The following TESK2 variants were observed in gnomAD, a reference collection of about 807,000 sequenced individuals.
The protein encoded by TESK2 is dual specificity testis-specific protein kinase 2.
A neutral mutation model predicts 57.1 loss-of-function variants in TESK2; 39 were observed. That is an observed-to-expected ratio of 0.68 (90% CI 0.53 to 0.89). The LOEUF is 0.89. Ranked by LOEUF, TESK2 falls within the 40% of genes least tolerant of loss-of-function variation. The probability of loss-of-function intolerance (pLI) is 0.00; values close to 1 mark genes in which losing one functional copy is unlikely to be tolerated. For synonymous variants in TESK2, 249 were observed against 267.9 expected, an observed-to-expected ratio of 0.93 and a Z score of 0.69; for missense variants, 646 against 732.1, an observed-to-expected ratio of 0.88 and a Z score of 1.36.
At chr1:45,414,221 A>G (rs986624697) in intron 3 of TESK2, among the ~76,000 whole-genome samples, 1 of 152,242 alleles carries the variant, frequency 6.6e-6, no homozygotes, top group Non-Finnish European at 1.5e-5. Context: ...CATAAATGAT[A>G]TAAATAATTA....
intron 1 of TESK2, among the ~76,000 whole-genome samples, chr1:45,463,579 G>GT (rs1557583520): frequency 6.6e-6 from 1 of 151,782 alleles, no homozygotes; most frequent in Non-Finnish European, 1.5e-5. Context: ...TGTGTGTCTG[G>GT]TTTTTTGTTT....
intron 4 of TESK2, among the ~76,000 whole-genome samples, chr1:45,381,890 G>C (rs1538970): frequency 1.5e-5 from 2 of 135,166 alleles, no homozygotes; most frequent in Admixed American, 7.8e-5. Context: ...TTTTTAAGAG[G>C]TCTCTCTCTG....
At chr1:45,386,274 G>A (rs895080291) in intron 3 of TESK2, among the ~76,000 whole-genome samples, 2 of 147,228 alleles carry the variant, frequency 1.4e-5, no homozygotes, top group Admixed American at 7.0e-5. Context: ...GAACCTGGAA[G>A]GCAGAGGTTG....
At position 45,345,410 on chromosome 1, in the gene TESK2, G is replaced by A; in HGVS notation, c.1146C>T (p.Val382=). 1 of 1,614,142 alleles carries A rather than the reference G, an allele frequency of 6.2e-7. No homozygotes were observed. The highest frequency in any genetic ancestry group is 8.5e-7 in the Non-Finnish European group (1 of 1,180,036). ...FSRKPPRTVS[V]LDPYYRPRDG... is the part of the protein sequence containing the mutation. ...CTCGTGGCCGGTAGTATGGGTCCAA[G>A]ACACTCACTGTACGTGGGGGCTTAC... The change falls in exon 11 of 11, where the codon GTC becomes GTT. Residue 382 remains valine, a synonymous_variant. Coordinates refer to ENST00000372086, the MANE Select transcript of TESK2 (RefSeq NM_007170.3).
intron 4 of TESK2, among the ~76,000 whole-genome samples, chr1:45,372,782 T>C (rs890029229): frequency 6.6e-6 from 1 of 151,420 alleles, no homozygotes; most frequent in Non-Finnish European, 1.5e-5. Context: ...TTCATGCCTG[T>C]AATCCCAGCA....
intron 3 of TESK2, among the ~76,000 whole-genome samples, chr1:45,392,187 G>C (rs1434977198): frequency 2.0e-5 from 3 of 152,196 alleles, no homozygotes; most frequent in African/African-American, 7.2e-5. Context: ...CCGGGTTCAA[G>C]CAATTCTCCT....
At chr1:45,466,608 C>A (rs1443847730) in intron 1 of TESK2, among the ~76,000 whole-genome samples, 1 of 151,394 alleles carries the variant, frequency 6.6e-6, no homozygotes, top group African/African-American at 2.4e-5. Flanking sequence ...CATGACCACA[C>A]CACTGCACTC....
chr1:45,434,086 C>G (rs1000131640), intron 2 of TESK2, among the ~76,000 whole-genome samples: 2 of 151,142 alleles, frequency 1.3e-5, no homozygotes, highest in Admixed American at 6.6e-5. Flanking sequence ...CCTCAACCTC[C>G]TGGCTCTAGG....
At chr1:45,459,395 C>G (rs1403810333) in intron 1 of TESK2, among the ~76,000 whole-genome samples, 3 of 152,168 alleles carry the variant, frequency 2.0e-5, no homozygotes. Flanking sequence ...TGAGATCTAC[C>G]TGAATCTAGT....
chr1:45,435,233 C>G (rs1369709081), intron 2 of TESK2, among the ~76,000 whole-genome samples: 1 of 151,932 alleles, frequency 6.6e-6, no homozygotes, highest in Non-Finnish European at 1.5e-5. Flanking sequence ...CTCAACCAAT[C>G]CTCTCACCTC....
intron 3 of TESK2, among the ~76,000 whole-genome samples, chr1:45,399,944 G>A (rs1649531292): frequency 6.6e-6 from 1 of 152,104 alleles, no homozygotes; most frequent in African/African-American, 2.4e-5. Context: ...TAGCACATGG[G>A]GATGTGCTCA....
At chr1:45,468,788 T>C (rs1269343929) in intron 1 of TESK2, among the ~76,000 whole-genome samples, 1 of 152,176 alleles carries the variant, frequency 6.6e-6, no homozygotes, top group Non-Finnish European at 1.5e-5. Context: ...GGTATTTTAG[T>C]GGGCAGGTGC....
At chr1:45,400,832 G>C (rs768725790) in intron 3 of TESK2, among the ~76,000 whole-genome samples, 6 of 144,706 alleles carry the variant, frequency 4.1e-5, no homozygotes, top group Non-Finnish European at 9.2e-5. Context: ...GACCAGCCTG[G>C]CCAACATGAT....
intron 1 of TESK2, among the ~76,000 whole-genome samples, chr1:45,470,506 C>T (rs572392004): frequency 9.8e-5 from 15 of 152,306 alleles, no homozygotes; most frequent in Non-Finnish European, 1.3e-4. Flanking sequence ...TAATTAACCA[C>T]GAATATACAC....
rs1355753034 is a variant in TESK2 at position 45,384,389 on chromosome 1, G to GTCTGTCTATCTA, written c.393+1522_393+1523insTAGATAGACAGA. Among the ~76,000 whole-genome samples, 362 of 144,368 alleles carry GTCTGTCTATCTA rather than the reference G, an allele frequency of 2.5e-3. 3 individuals carry two copies. Among genetic ancestry groups the GTCTGTCTATCTA allele is most frequent in the African/African-American group, 8.7e-3 (336 of 38,664 alleles). The allele number at this position is 144,368 out of a possible 152,430, so 94.7% of individuals were successfully genotyped here. ...TATCTATCTATCTATCTATCTATCT[G>GTCTGTCTATCTA]TCTATCTATCTATCTATCTATCTAT... On this transcript the variant is annotated intron_variant, in intron 4 of 10. Coordinates refer to ENST00000372086, the MANE Select transcript of TESK2 (RefSeq NM_007170.3).
intron 2 of TESK2, among the ~76,000 whole-genome samples, chr1:45,440,249 C>G (rs1651387953): frequency 6.6e-6 from 1 of 151,896 alleles, no homozygotes; most frequent in Non-Finnish European, 1.5e-5. Context: ...CCACACTTTG[C>G]CAAGGCCCCC....
chr1:45,345,296 G>A lies in TESK2; in HGVS notation c.1260C>T (p.Ser420=), dbSNP rs766059844. ...CAAATACCAGAGAGATGACAGACTTGCTGGGCAGGTCAAAAAACTTGATCT... is the reference window on the plus strand; with the variant it reads ...CAAATACCAGAGAGATGACAGACTTACTGGGCAGGTCAAAAAACTTGATCT... ...GGKIKFFDLP[S]KSVISLVFDL... The change falls in exon 11 of 11, where the codon AGC becomes AGT. Residue 420 remains serine (S), a synonymous_variant. Coordinates refer to ENST00000372086, the MANE Select transcript of TESK2 (RefSeq NM_007170.3). The A allele has an allele frequency of 1.4e-5, 23 of 1,614,050 alleles. No homozygotes were observed. The highest frequency in any genetic ancestry group is 1.9e-5 in the Non-Finnish European group (22 of 1,180,046).
intron 1 of TESK2, among the ~76,000 whole-genome samples, chr1:45,480,964 G>T (rs4660861): frequency 0.44 from 66,199 of 151,338 alleles, 14,666 homozygotes; most frequent in East Asian, 0.57. Flanking sequence ...CTCCAGCCTG[G>T]GTGATGAAGT....
intron 6 of TESK2, 103 bp downstream of exon 6, chr1:45,347,815 G>A (rs1333101789): frequency 7.0e-7 from 1 of 1,431,778 alleles, no homozygotes; most frequent in Non-Finnish European, 9.8e-7. Flanking sequence ...GGGAGCTGAG[G>A]TTGAGCTGTG....
Sources: gnomAD v4.1 joint callset for allele counts (sites outside exome capture counted in the v4.1 genomes callset) on GRCh38, gnomAD v4.1.1 for gene constraint, MANE v1.5 for transcripts, NCBI Gene and HGNC (gene_info 2026-07-23, HGNC 2026-07-21) for gene names.